The following CLVS1 variants were observed in gnomAD, a reference collection of about 807,000 sequenced individuals.
CLVS1 encodes clavesin-1.
In CLVS1, 10 loss-of-function variants were observed where a neutral mutation model predicts 33.1. The observed-to-expected ratio is 0.30, with a 90% CI of 0.19 to 0.51. CLVS1 has a LOEUF of 0.51. Among genes scored for constraint, CLVS1 ranks in the 20% least tolerant of loss-of-function variants. The pLI, the probability that CLVS1 is intolerant of heterozygous loss-of-function variation, is 0.97. For missense variants in CLVS1, 343 were observed against 433.4 expected (o/e 0.79, Z 1.85); for synonymous variants, 163 against 166.1 (o/e 0.98, Z 0.14).
At chr8:61,469,957 G>A (rs1817680370) in intron 5 of CLVS1, among the ~76,000 whole-genome samples, 1 of 152,200 alleles carries the variant, frequency 6.6e-6, no homozygotes, top group Non-Finnish European at 1.5e-5. Flanking sequence ...TGCCTGAGAT[G>A]TATCATCACT....
At chr8:61,209,240 C>A (rs1221934645) in intron 2 of CLVS1, among the ~76,000 whole-genome samples, 2 of 152,198 alleles carry the variant, frequency 1.3e-5, no homozygotes, top group African/African-American at 4.8e-5. Flanking sequence ...AGGGGCCAAT[C>A]TTTGGGCACC....
At chr8:61,243,981 T>G (rs1808752050) in intron 2 of CLVS1, among the ~76,000 whole-genome samples, 1 of 152,192 alleles carries the variant, frequency 6.6e-6, no homozygotes, top group Non-Finnish European at 1.5e-5. Context: ...TATTTTCGAA[T>G]TCACCAAAAT....
At chr8:61,336,047 TTCGCTGAGAAAA>T (rs1811786576) in intron 2 of CLVS1, among the ~76,000 whole-genome samples, 1 of 151,994 alleles carries the variant, frequency 6.6e-6, no homozygotes, top group African/African-American at 2.4e-5. Flanking sequence ...GCGAATAGAA[TTCGCTGAGAAAA>T]GCAAGAGGAC....
At position 61,500,378 on chromosome 8, in the gene CLVS1, CAAAGA is replaced by C. The variant is rs749688893; in HGVS notation, c.*841_*845del. The C allele has an allele frequency of 3.3e-5, 5 of 152,054 alleles. No individual in the cohort carries two copies. Among genetic ancestry groups the C allele is most frequent in the Non-Finnish European group, 5.9e-5 (4 of 67,974 alleles). The allele number at this position is 152,054 out of a possible 1,614,324, so 9.4% of individuals were successfully genotyped here. On this transcript the variant is annotated 3_prime_UTR_variant, in exon 6 of 6. Coordinates refer to ENST00000325897, the MANE Select transcript of CLVS1 (RefSeq NM_173519.3). ...AGTTGCCTCAACTGGGTCACTACAG[CAAAGA>C]AAAGTGCTATCAAACCATTTACCCT...
chr8:61,290,606 G>A (rs1223561446), intron 1 of CLVS1, among the ~76,000 whole-genome samples: 1 of 152,094 alleles, frequency 6.6e-6, no homozygotes, highest in East Asian at 1.9e-4. Context: ...ACAAAGAGAG[G>A]CACTTTATTA....
At chr8:61,334,761 G>A (rs1168567854) in intron 2 of CLVS1, among the ~76,000 whole-genome samples, 1 of 152,160 alleles carries the variant, frequency 6.6e-6, no homozygotes, top group Non-Finnish European at 1.5e-5. Flanking sequence ...ATCTGTCCAG[G>A]TGGGAACACA....
At chr8:60,970,410 C>T in the CLVS1 span, among the ~76,000 whole-genome samples, 1 of 152,238 alleles carries the variant, frequency 6.6e-6, no homozygotes, top group Non-Finnish European at 1.5e-5. Context: ...GATCTCATTT[C>T]TTCCTCCTTG....
intron 2 of CLVS1, among the ~76,000 whole-genome samples, chr8:61,151,026 G>T (rs941253792): frequency 1.3e-5 from 2 of 152,198 alleles, no homozygotes; most frequent in African/African-American, 4.8e-5. Context: ...TGCACCCCCA[G>T]ACTATGTTTG....
chr8:61,188,916 T>C (rs954054436), intron 2 of CLVS1, among the ~76,000 whole-genome samples: 1 of 152,030 alleles, frequency 6.6e-6, no homozygotes, highest in Non-Finnish European at 1.5e-5. Context: ...TCAAAGCAGA[T>C]GAAAGATGAT....
upstream of CLVS1, among the ~76,000 whole-genome samples, chr8:61,056,531 T>A (rs939902570): frequency 1.3e-5 from 2 of 152,160 alleles, no homozygotes; most frequent in Non-Finnish European, 2.9e-5. Context: ...GATTACTCTC[T>A]CTTTCTTTCT....
rs74397952 is a variant in CLVS1, at chr8:61,427,935, G to A, written c.631-26206G>A. Among the ~76,000 whole-genome samples the A allele has an allele frequency of 6.9e-3, 1,048 of 152,120 alleles. 16 individuals carry two copies. The highest frequency in any genetic ancestry group is 0.024 in the African/African-American group (998 of 41,496). ...AACATTCATCAATGTTCCTTCCTCC[G>A]CCCCTGGCACACAGACACACACACG... On this transcript the variant is annotated intron_variant, in intron 3 of 5. Coordinates refer to ENST00000325897, the MANE Select transcript of CLVS1 (RefSeq NM_173519.3).
At chr8:61,062,648 A>G (rs957544389) in intron 1 of CLVS1, among the ~76,000 whole-genome samples, 2 of 152,204 alleles carry the variant, frequency 1.3e-5, no homozygotes, top group Non-Finnish European at 2.9e-5. Context: ...CTGGTTCTGG[A>G]TGGAGTAGAG....
intron 3 of CLVS1, among the ~76,000 whole-genome samples, chr8:61,382,095 C>T (rs1026863172): frequency 3.3e-5 from 5 of 152,156 alleles, no homozygotes; most frequent in Non-Finnish European, 5.9e-5. Flanking sequence ...GATATGTTCA[C>T]TTCTCTTTGG....
the CLVS1 span, among the ~76,000 whole-genome samples, chr8:61,009,919 AC>A: frequency 2.0e-5 from 3 of 152,366 alleles, no homozygotes; most frequent in South Asian, 6.2e-4. Flanking sequence ...CATGTACCAT[AC>A]AACACAGCAA....
At chr8:61,477,193 G>A (rs1418585377) in intron 5 of CLVS1, among the ~76,000 whole-genome samples, 3 of 152,170 alleles carry the variant, frequency 2.0e-5, no homozygotes, top group Non-Finnish European at 4.4e-5. Context: ...GCTGGATTCG[G>A]TTTTCCAGTA....
At chr8:61,390,984 T>G (rs1814281190) in intron 3 of CLVS1, 1 of 152,168 alleles carries the variant, frequency 6.6e-6, no homozygotes, top group Non-Finnish European at 1.5e-5. Context: ...AGATTTTTTT[T>G]TTTTTTGTAT....
chr8:61,187,772 T>C (rs2349937), intron 2 of CLVS1, among the ~76,000 whole-genome samples: 31,638 of 149,642 alleles, frequency 0.21, 3,504 homozygotes, highest in Admixed American at 0.27. Flanking sequence ...AAAATAATTA[T>C]ATATAAGATC....
intron 5 of CLVS1, among the ~76,000 whole-genome samples, chr8:61,474,536 G>A (rs1468467652): frequency 6.6e-6 from 1 of 152,092 alleles, no homozygotes; most frequent in Non-Finnish European, 1.5e-5. Context: ...TTCTTCTTTT[G>A]TTGAAAATGG....
At chr8:61,344,502 G>C (rs1812135909) in intron 2 of CLVS1, among the ~76,000 whole-genome samples, 1 of 152,190 alleles carries the variant, frequency 6.6e-6, no homozygotes, top group South Asian at 2.1e-4. Flanking sequence ...CAAAATGGCA[G>C]GGTTAGACAG....
Sources: gnomAD v4.1 joint callset for allele counts (sites outside exome capture counted in the v4.1 genomes callset) on GRCh38, gnomAD v4.1.1 for gene constraint, MANE v1.5 for transcripts, NCBI Gene and HGNC (gene_info 2026-07-23, HGNC 2026-07-21) for gene names.